Variants in CEP85L observed in about 807,000 individuals in gnomAD.
The protein encoded by CEP85L is centrosomal protein of 85 kDa-like.
CEP85L carries 60 observed loss-of-function variants against 100.3 expected under a neutral mutation model. That is an observed-to-expected ratio of 0.60 (90% CI 0.49 to 0.74). The LOEUF (loss-of-function observed/expected upper bound fraction) is 0.74, where lower values mean the gene tolerates loss of function less well. CEP85L is among the 30% of genes least tolerant of loss of function. CEP85L has a pLI of 0.00. For missense variants in CEP85L, 973 were observed against 936.2 expected (o/e 1.04, Z -0.51); for synonymous variants, 319 against 322.7 (o/e 0.99, Z 0.12).
At chr6:118,675,307 A>T (rs752629318) in intron 1 of CEP85L, among the ~76,000 whole-genome samples, 1 of 152,086 alleles carries the variant, frequency 6.6e-6, no homozygotes, top group Non-Finnish European at 1.5e-5. Flanking sequence ...ATTCATAGAA[A>T]CAGTAGATTA....
In CEP85L at chr6:118,619,798, T is replaced by C. The variant is rs150326550; in HGVS notation, c.232+12655A>G. Among the ~76,000 whole-genome samples, 16 of 152,332 alleles carry C rather than the reference T, an allele frequency of 1.1e-4. No homozygotes were observed. In the East Asian group the frequency reaches 3.1e-3, roughly 29 times the overall value. On this transcript the variant is annotated intron_variant, in intron 2 of 12. Coordinates refer to ENST00000368491, the MANE Select transcript of CEP85L (RefSeq NM_001042475.3). ...TGATCTAGCATGGAGGGGCATCATG[T>C]TGCTCCTTGATCAGACCTTAAGTCC...
intron 2 of CEP85L, among the ~76,000 whole-genome samples, chr6:118,630,806 T>C (rs1583196343): frequency 6.6e-6 from 1 of 152,154 alleles, no homozygotes. Context: ...TGGCTGCAGG[T>C]GAGTGAGGGC....
At chr6:118,704,797 T>C (rs1364546668) in intron 1 of CEP85L, among the ~76,000 whole-genome samples, 1 of 152,034 alleles carries the variant, frequency 6.6e-6, no homozygotes. Context: ...AAGCTAAGAG[T>C]TCATGGCGCT....
chr6:118,594,131 G>A (rs967187442), intron 2 of CEP85L, among the ~76,000 whole-genome samples: 3 of 152,144 alleles, frequency 2.0e-5, no homozygotes, highest in African/African-American at 7.2e-5. Flanking sequence ...ATGATTAGGG[G>A]AAATGTCTAA....
chr6:118,651,783 C>T, upstream of CEP85L: 1 of 986,156 alleles, frequency 1.0e-6, no homozygotes, highest in Non-Finnish European at 1.2e-6. Flanking sequence ...CGCCCTCCCG[C>T]CGCATCCCTC....
At chr6:118,573,246 G>T (rs1270599883) in intron 2 of CEP85L, among the ~76,000 whole-genome samples, 1 of 152,158 alleles carries the variant, frequency 6.6e-6, no homozygotes, top group Non-Finnish European at 1.5e-5. Flanking sequence ...CTTCTCAACA[G>T]CAATAATGGA....
upstream of CEP85L, among the ~76,000 whole-genome samples, chr6:118,656,414 G>T (rs985510835): frequency 8.5e-5 from 13 of 152,178 alleles, no homozygotes; most frequent in Non-Finnish European, 4.4e-5. Context: ...GTAAAAGTTG[G>T]AAAGATACGA....
chr6:118,468,438 G>A (rs571460427), intron 12 of CEP85L, among the ~76,000 whole-genome samples: 13 of 152,206 alleles, frequency 8.5e-5, no homozygotes, highest in African/African-American at 2.9e-4. Context: ...TTGGAACCAC[G>A]TACAGAGATG....
At chr6:118,624,259 T>C (rs1162693273) in intron 2 of CEP85L, among the ~76,000 whole-genome samples, 1 of 152,194 alleles carries the variant, frequency 6.6e-6, no homozygotes, top group Non-Finnish European at 1.5e-5. Flanking sequence ...ATGGAGTCCT[T>C]ATACTGTTTC....
At position 118,491,751 on chromosome 6, in the gene CEP85L, GCTGTAAAACTT is replaced by G. The variant is rs1459554966; in HGVS notation, c.1361_1371del (p.Glu454AlafsTer2). 8 of 1,612,888 alleles carry G rather than the reference GCTGTAAAACTT, an allele frequency of 5.0e-6. No homozygotes were observed. Among genetic ancestry groups the G allele is most frequent in the Non-Finnish European group, 6.8e-6 (8 of 1,179,466 alleles). On this transcript the variant is annotated frameshift_variant, in exon 6 of 13. Transcript: ENST00000368491. LOFTEE classifies it high-confidence loss of function. ...AGTCTTTGTTTGAGAAACTCATTAA[GCTGTAAAACTT>G]CTTTCTCAGTAGATGCAAGCTTTTG...
chr6:118,635,822 C>T (rs970581926), intron 1 of CEP85L, among the ~76,000 whole-genome samples: 2 of 152,096 alleles, frequency 1.3e-5, no homozygotes, highest in Non-Finnish European at 1.5e-5. Context: ...AATAATCATT[C>T]TCTCTCTCAC....
intron 10 of CEP85L, 61 bp from the exon 11 acceptor site, chr6:118,470,705 C>T: frequency 1.1e-6 from 1 of 912,054 alleles, no homozygotes; most frequent in Non-Finnish European, 1.7e-6. Context: ...AAATCTCAAA[C>T]AGAAAGAAGT....
intron 1 of CEP85L, among the ~76,000 whole-genome samples, chr6:118,644,951 G>C (rs1583216939): frequency 6.6e-6 from 1 of 152,124 alleles, no homozygotes; most frequent in African/African-American, 2.4e-5. Context: ...CCAATACATG[G>C]GAACAGTATC....
intron 2 of CEP85L, among the ~76,000 whole-genome samples, chr6:118,577,784 C>A (rs1457209158): frequency 7.2e-5 from 11 of 152,134 alleles, no homozygotes; most frequent in Non-Finnish European, 1.6e-4. Context: ...AAATAGAATT[C>A]TAGAATTCTT....
intron 5 of CEP85L, chr6:118,501,993 G>T: frequency 1.2e-6 from 1 of 823,660 alleles, no homozygotes. Flanking sequence ...TGACCAGGTG[G>T]CTTGTTAACA....
chr6:118,597,705 C>A (rs1781526936), intron 2 of CEP85L, among the ~76,000 whole-genome samples: 1 of 152,158 alleles, frequency 6.6e-6, no homozygotes, highest in Non-Finnish European at 1.5e-5. Context: ...CAATGCACAA[C>A]AGGATCAAAG....
At chr6:118,545,548 A>G (rs1482029099) in intron 3 of CEP85L, among the ~76,000 whole-genome samples, 1 of 152,188 alleles carries the variant, frequency 6.6e-6, no homozygotes, top group African/African-American at 2.4e-5. Flanking sequence ...AGATCGCACC[A>G]TTCACTCGGG....
At position 118,465,295 on chromosome 6, in the gene CEP85L, GA is replaced by G. The variant is rs938893628; in HGVS notation, c.*109del. ...TCCCCTTCAACAAAACAAATCCACAGAAAAAAAATCCCTAAGTGCAAGTCAT... is the reference window on the plus strand; with the variant it reads ...TCCCCTTCAACAAAACAAATCCACAGAAAAAAATCCCTAAGTGCAAGTCAT... On this transcript the variant is annotated 3_prime_UTR_variant, in exon 13 of 13. Coordinates refer to ENST00000368491, the MANE Select transcript of CEP85L (RefSeq NM_001042475.3). 15 of 991,386 alleles carry G rather than the reference GA, an allele frequency of 1.5e-5. No individual in the cohort carries two copies. The East Asian group carries it at 1.6e-4, about 11-fold the overall frequency. 61.4% of individuals were successfully genotyped at this position (991,386 alleles called of 1,614,324 possible).
intron 3 of CEP85L, among the ~76,000 whole-genome samples, chr6:118,554,397 T>G (rs927649333): frequency 3.3e-5 from 5 of 152,308 alleles, no homozygotes; most frequent in African/African-American, 1.2e-4. Context: ...TCGTCCCGCC[T>G]AGGCCTTCCA....
Sources: gnomAD v4.1 joint callset for allele counts (sites outside exome capture counted in the v4.1 genomes callset) on GRCh38, gnomAD v4.1.1 for gene constraint, MANE v1.5 for transcripts, NCBI Gene and HGNC (gene_info 2026-07-23, HGNC 2026-07-21) for gene names.